The following PTPRT variants were observed in gnomAD, a reference collection of about 807,000 sequenced individuals.
PTPRT encodes protein tyrosine phosphatase receptor type T, also known as receptor-type tyrosine-protein phosphatase T.
PTPRT carries 56 observed loss-of-function variants against 176.8 expected under a neutral mutation model. The observed-to-expected ratio is 0.32, with a 90% CI of 0.26 to 0.40. The LOEUF is 0.40. Among genes scored for constraint, PTPRT ranks in the 10% least tolerant of loss-of-function variants. The pLI, the probability that PTPRT is intolerant of heterozygous loss-of-function variation, is 1.00. For synonymous variants in PTPRT, 783 were observed against 739.0 expected (o/e 1.06, Z -0.96); for missense variants, 1,540 against 1,908.2 (o/e 0.81, Z 3.60).
intron 6 of PTPRT, among the ~76,000 whole-genome samples, chr20:42,727,247 T>C (rs561501365): frequency 6.6e-6 from 1 of 152,306 alleles, no homozygotes; most frequent in African/African-American, 2.4e-5. Flanking sequence ...TGTCCCAAAT[T>C]TGATATCCTC....
chr20:42,743,394 T>C (rs2076641118), intron 6 of PTPRT, among the ~76,000 whole-genome samples: 2 of 152,278 alleles, frequency 1.3e-5, no homozygotes, highest in Middle Eastern at 3.4e-3. Context: ...AAAGAAACTT[T>C]AAAGAAGCAA....
chr20:42,627,044 T>C (rs933889127), intron 7 of PTPRT, among the ~76,000 whole-genome samples: 1 of 152,202 alleles, frequency 6.6e-6, no homozygotes, highest in South Asian at 2.1e-4. Flanking sequence ...TTTTACTTTT[T>C]TTTGTCTGAA....
chr20:43,141,296 G>A (rs974313072), intron 1 of PTPRT, among the ~76,000 whole-genome samples: 8 of 152,172 alleles, frequency 5.3e-5, no homozygotes, highest in Non-Finnish European at 7.3e-5. Context: ...GCCCAGTCGG[G>A]CAGCTCTTCT....
intron 1 of PTPRT, among the ~76,000 whole-genome samples, chr20:42,930,178 T>C (rs1235431409): frequency 6.6e-6 from 1 of 152,168 alleles, no homozygotes; most frequent in African/African-American, 2.4e-5. Flanking sequence ...GAGCCCTGCT[T>C]TGGAAGCACT....
At chr20:42,253,271 A>G (rs968838790) in intron 13 of PTPRT, among the ~76,000 whole-genome samples, 1 of 152,178 alleles carries the variant, frequency 6.6e-6, no homozygotes, top group Non-Finnish European at 1.5e-5. Context: ...TGATGGGGCC[A>G]TTGGCAATGT....
At chr20:42,416,441 G>GA (rs1396770283) in intron 9 of PTPRT, among the ~76,000 whole-genome samples, 1 of 152,108 alleles carries the variant, frequency 6.6e-6, no homozygotes, top group African/African-American at 2.4e-5. Context: ...GCCGCCACAG[G>GA]AAAAAACTGT....
intron 1 of PTPRT, among the ~76,000 whole-genome samples, chr20:42,915,962 GTTT>G (rs982016914): frequency 9.9e-5 from 15 of 151,598 alleles, no homozygotes; most frequent in Admixed American, 6.6e-4. Context: ...TGTTGTTGTT[GTTT>G]TTATTATTAT....
At chr20:43,105,659 CA>C (rs2012573595) in intron 1 of PTPRT, among the ~76,000 whole-genome samples, 3 of 152,206 alleles carry the variant, frequency 2.0e-5, no homozygotes, top group Admixed American at 2.0e-4. Flanking sequence ...CTCAGCCTCC[CA>C]AAATGCTAGG....
chr20:42,802,034 C>T (rs2077538218), intron 2 of PTPRT, among the ~76,000 whole-genome samples: 1 of 152,214 alleles, frequency 6.6e-6, no homozygotes, highest in African/African-American at 2.4e-5. Flanking sequence ...ACTCCAAGAT[C>T]AGTATCATTT....
At position 42,939,760 on chromosome 20, in the gene PTPRT, T is replaced by A. The variant is rs150931462; in HGVS notation, c.89-53828A>T. On this transcript the variant is annotated intron_variant, in intron 1 of 30. Coordinates refer to ENST00000373187, the MANE Select transcript of PTPRT (RefSeq NM_007050.6). ...AAAATGAGTGAATAAATGATATTATTATTAATGATAGCATTTCAAGTACAA... is the reference window on the plus strand; with the variant it reads ...AAAATGAGTGAATAAATGATATTATAATTAATGATAGCATTTCAAGTACAA... Among the ~76,000 whole-genome samples, 1,153 of 152,318 alleles carry A rather than the reference T, an allele frequency of 7.6e-3. 15 individuals are homozygous for A. The highest frequency in any genetic ancestry group is 0.027 in the African/African-American group (1,107 of 41,570).
At chr20:42,952,215 T>C (rs1238781513) in intron 1 of PTPRT, among the ~76,000 whole-genome samples, 1 of 152,162 alleles carries the variant, frequency 6.6e-6, no homozygotes, top group Admixed American at 6.5e-5. Flanking sequence ...CATGCCACCA[T>C]GGCTAGCCAT....
At chr20:42,139,762 G>C (rs983103131) in intron 18 of PTPRT, among the ~76,000 whole-genome samples, 4 of 152,260 alleles carry the variant, frequency 2.6e-5, no homozygotes, top group African/African-American at 9.6e-5. Context: ...TTAGGGTACA[G>C]TGTCCACAGT....
At position 42,205,822 on chromosome 20, in the gene PTPRT, CA is replaced by C. The variant is rs952666412; in HGVS notation, c.2343-6435del. Among the ~76,000 whole-genome samples the C allele has an allele frequency of 3.4e-5, 5 of 148,778 alleles. No homozygotes were observed. The South Asian group carries it at 6.4e-4, about 19-fold the overall frequency. ...GAGATCTCAGCCATAGGAAGTGGACCAAAAAAAAAATTCACAAGTGAGGCCC... is the reference window on the plus strand; with the variant it reads ...GAGATCTCAGCCATAGGAAGTGGACCAAAAAAAAATTCACAAGTGAGGCCC... On this transcript the variant is annotated intron_variant, in intron 15 of 30. Transcript: ENST00000373187.
intron 14 of PTPRT, among the ~76,000 whole-genome samples, chr20:42,247,529 A>G (rs951539440): frequency 6.6e-6 from 1 of 152,136 alleles, no homozygotes; most frequent in Non-Finnish European, 1.5e-5. Flanking sequence ...TTTTCATCCT[A>G]TAGATGGAAG....
intron 12 of PTPRT, among the ~76,000 whole-genome samples, chr20:42,287,987 T>G (rs1478183945): frequency 6.6e-6 from 1 of 151,962 alleles, no homozygotes; most frequent in Non-Finnish European, 1.5e-5. Flanking sequence ...AAGAGAATAT[T>G]AAATAAATAA....
intron 1 of PTPRT, among the ~76,000 whole-genome samples, chr20:43,045,960 C>G (rs959309257): frequency 2.0e-5 from 3 of 152,086 alleles, no homozygotes; most frequent in Admixed American, 6.6e-5. Context: ...CTAAGTCATG[C>G]AGAGTTCAGG....
At chr20:42,951,463 A>C (rs1030458041) in intron 1 of PTPRT, among the ~76,000 whole-genome samples, 1 of 152,094 alleles carries the variant, frequency 6.6e-6, no homozygotes, top group Non-Finnish European at 1.5e-5. Flanking sequence ...TTTTTCTAAG[A>C]TGTAAATCTA....
intron 7 of PTPRT, among the ~76,000 whole-genome samples, chr20:42,490,518 G>C (rs573534333): frequency 2.0e-5 from 3 of 151,958 alleles, no homozygotes; most frequent in Non-Finnish European, 4.4e-5. Flanking sequence ...ATTATTGCTG[G>C]TGTACAGACA....
At chr20:42,731,778 C>G (rs1380421694) in intron 6 of PTPRT, among the ~76,000 whole-genome samples, 1 of 152,158 alleles carries the variant, frequency 6.6e-6, no homozygotes, top group Non-Finnish European at 1.5e-5. Flanking sequence ...ACTACTCACC[C>G]ATCTATCCCA....
Sources: gnomAD v4.1 joint callset for allele counts (sites outside exome capture counted in the v4.1 genomes callset) on GRCh38, gnomAD v4.1.1 for gene constraint, MANE v1.5 for transcripts, NCBI Gene and HGNC (gene_info 2026-07-23, HGNC 2026-07-21) for gene names.